Variants in ATXN7 observed in about 807,000 individuals in gnomAD.
The protein encoded by ATXN7 is ataxin-7.
In ATXN7, 12 loss-of-function variants were observed where a neutral mutation model predicts 70.5. That is an observed-to-expected ratio of 0.17 (90% confidence interval 0.11 to 0.28). The LOEUF (loss-of-function observed/expected upper bound fraction) is 0.28, where lower values mean the gene tolerates loss of function less well. Among genes scored for constraint, ATXN7 ranks in the 10% least tolerant of loss-of-function variants. The pLI, the probability that ATXN7 is intolerant of heterozygous loss-of-function variation, is 1.00. For synonymous variants in ATXN7, 498 were observed against 448.7 expected (o/e 1.11, Z -1.39); for missense variants, 1,256 against 1,131.7 (o/e 1.11, Z -1.58).
At position 63,912,699 on chromosome 3, in the gene ATXN7, A is replaced by G. The variant is rs767066861; in HGVS notation, c.101A>G (p.Gln34Arg). The change falls in exon 3 of 13, where the codon CAG (glutamine) becomes CGG (arginine). Residue 34 changes from glutamine (Q) to arginine (R), a missense_variant. Physicochemically the swap from Gln to Arg is conservative, Grantham distance 43. Transcript: ENST00000674280. ...AAAAARQQQQ[Q>R]QQQQQPPPPQ... ...GCGGCCGCCCGGCAGCAGCAGCAGC[A>G]GCAGCAGCAGCAGCAGCCGCCGCCT... 1.7e-6 allele frequency: 2 copies of G among 1,173,352 alleles called. No individual in the cohort carries two copies. The highest frequency in any genetic ancestry group is 1.1e-6 in the Non-Finnish European group (1 of 943,248). The allele number at this position is 1,173,352 out of a possible 1,614,324, so 72.7% of individuals were successfully genotyped here. A position where few individuals can be genotyped will look rare whatever the true frequency, so the allele number is the denominator to read the frequency against.
At chr3:63,863,568 C>T (rs1015953621), upstream of ATXN7, 4 of 1,196,074 alleles carry the variant, frequency 3.3e-6, no homozygotes, top group African/African-American at 3.2e-5. Flanking sequence ...GAGGGGCGCT[C>T]GGGCTCTGGC....
intron 4 of ATXN7, among the ~76,000 whole-genome samples, chr3:63,925,995 G>T (rs935623540): frequency 2.6e-5 from 4 of 152,192 alleles, no homozygotes; most frequent in Non-Finnish European, 5.9e-5. Context: ...TTAAGGGCCA[G>T]TTGGGCATGT....
intron 1 of ATXN7, among the ~76,000 whole-genome samples, chr3:63,873,112 C>A (rs1391502799): frequency 6.6e-6 from 1 of 152,082 alleles, no homozygotes; most frequent in South Asian, 2.1e-4. Context: ...TATAATATAT[C>A]CCTTTTCAAT....
At position 63,922,951 on chromosome 3, in the gene ATXN7, C is replaced by G. The variant is rs959581837; in HGVS notation, c.394+9726C>G. Among the ~76,000 whole-genome samples the G allele has an allele frequency of 3.3e-5, 5 of 152,244 alleles. No individual in the cohort carries two copies. In the East Asian group the frequency reaches 9.7e-4, roughly 29 times the overall value. On this transcript the variant is annotated intron_variant, in intron 4 of 12. Coordinates refer to ENST00000674280, the MANE Select transcript of ATXN7 (RefSeq NM_001377405.1). ...TGTATTTTCAGTTACAGGATTTGGA[C>G]TTAGGGCAAATCACACTCGATCAAG... is the stretch of plus-strand genomic sequence containing the variant.
chr3:63,868,799 A>G lies in ATXN7; in HGVS notation c.-111+4641A>G, dbSNP rs547276850. On this transcript the variant is annotated intron_variant, in intron 1 of 12. Transcript: ENST00000674280. The stretch of plus-strand genomic sequence containing the variant: ...ATACTGCACATGTACTTTATAGTCC[A>G]TCACCCCTAAAAGTGCTTCAGCACT... 3.9e-5 allele frequency among the ~76,000 whole-genome samples: 6 copies of G among 152,334 alleles called. No individual in the cohort carries two copies. In the South Asian group the frequency reaches 1.0e-3, roughly 26 times the overall value.
chr3:63,929,498 C>T (rs1460079652), intron 4 of ATXN7, among the ~76,000 whole-genome samples: 1 of 152,132 alleles, frequency 6.6e-6, no homozygotes, highest in Admixed American at 6.5e-5. Context: ...GTCTCGATCT[C>T]CTGACCTCGT....
At chr3:63,932,751 C>A (rs1423211902) in intron 4 of ATXN7, among the ~76,000 whole-genome samples, 7 of 152,136 alleles carry the variant, frequency 4.6e-5, no homozygotes, top group Non-Finnish European at 8.8e-5. Flanking sequence ...GAGAAAATTA[C>A]TTCTCATCTC....
intron 1 of ATXN7, among the ~76,000 whole-genome samples, chr3:63,867,898 AC>A (rs1372436829): frequency 4.6e-5 from 7 of 151,884 alleles, no homozygotes; most frequent in African/African-American, 1.7e-4. Context: ...TAAATAAATA[AC>A]AAACAAATAA....
intron 4 of ATXN7, among the ~76,000 whole-genome samples, chr3:63,945,598 C>T (rs974346209): frequency 6.6e-6 from 1 of 152,170 alleles, no homozygotes; most frequent in Non-Finnish European, 1.5e-5. Context: ...AATTATTATT[C>T]ATCAAGTAAT....
intron 5 of ATXN7, among the ~76,000 whole-genome samples, chr3:63,957,339 C>G (rs1409797118): frequency 6.6e-6 from 1 of 152,142 alleles, no homozygotes; most frequent in Non-Finnish European, 1.5e-5. Context: ...TTAGGCTGAT[C>G]CATTTGTTCA....
At chr3:63,911,023 A>G (rs558589213) in intron 2 of ATXN7, among the ~76,000 whole-genome samples, 1 of 151,918 alleles carries the variant, frequency 6.6e-6, no homozygotes, top group Non-Finnish European at 1.5e-5. Flanking sequence ...GTCACATCAG[A>G]TGTTTGAGGT....
chr3:63,863,764 G>T, upstream of ATXN7: 1 of 1,252,510 alleles, frequency 8.0e-7, no homozygotes, highest in Non-Finnish European at 9.9e-7. Flanking sequence ...CGGCGAGCGG[G>T]GCCTCACCGT....
chr3:63,957,984 A>T (rs182329769), intron 5 of ATXN7, among the ~76,000 whole-genome samples: 1 of 152,238 alleles, frequency 6.6e-6, no homozygotes, highest in African/African-American at 2.4e-5. Context: ...ATAATGTTAT[A>T]TATTGAGCCA....
intron 4 of ATXN7, among the ~76,000 whole-genome samples, chr3:63,929,419 T>C (rs1275639007): frequency 6.6e-6 from 1 of 151,972 alleles, no homozygotes; most frequent in African/African-American, 2.4e-5. Flanking sequence ...ATTACAGGCA[T>C]GCGCCACCAT....
At position 63,990,253 on chromosome 3, in the gene ATXN7, C is replaced by G; in HGVS notation, c.1439C>G (p.Pro480Arg). 3 of 1,614,090 alleles carry G rather than the reference C, an allele frequency of 1.9e-6. No homozygotes were observed. Among genetic ancestry groups the G allele is most frequent in the Non-Finnish European group, 2.5e-6 (3 of 1,180,038 alleles). Reference sequence around the variant, plus strand: ...CCAGTCCATGAATCTCCACACCCTCCCCTGCCTGCCACTGAGCCAGCTTCT... The same window carrying G: ...CCAGTCCATGAATCTCCACACCCTCGCCTGCCTGCCACTGAGCCAGCTTCT... ...PPPVHESPHPPLPATEPASRL... is the reference protein window; with the variant it reads ...PPPVHESPHPRLPATEPASRL... The change falls in exon 10 of 13, where the codon CCC becomes CGC. Residue 480 changes from proline to arginine, a missense_variant. Coordinates refer to ENST00000674280, the MANE Select transcript of ATXN7 (RefSeq NM_001377405.1).
rs747548769 is a variant in ATXN7, at chr3:64,001,264, A to G, written c.*1797A>G. On this transcript the variant is annotated 3_prime_UTR_variant, in exon 13 of 13. Transcript: ENST00000674280. ...GAAGGAGAGAACAGTATCTTGTTCA[A>G]TTATTATGCAATCAATCAGTAAATG... is the stretch of plus-strand genomic sequence containing the variant. 30 of 152,236 alleles carry G rather than the reference A, an allele frequency of 2.0e-4. No individual in the cohort carries two copies. Among genetic ancestry groups the G allele is most frequent in the Admixed American group, 3.9e-4 (6 of 15,280 alleles). The allele number at this position is 152,236 out of a possible 1,614,324, so 9.4% of individuals were successfully genotyped here.
intron 5 of ATXN7, among the ~76,000 whole-genome samples, chr3:63,963,057 A>G (rs1459713220): frequency 6.6e-6 from 1 of 151,812 alleles, no homozygotes; most frequent in African/African-American, 2.4e-5. Context: ...CTGGGACTAC[A>G]GGCACACGCC....
chr3:63,927,550 C>T (rs910062824), intron 4 of ATXN7, among the ~76,000 whole-genome samples: 3 of 152,122 alleles, frequency 2.0e-5, no homozygotes, highest in Admixed American at 6.5e-5. Context: ...GTTCCAGTGT[C>T]CTGGTATTCT....
At chr3:63,865,894 CAAAAAAAAAAAAAA>C (rs34205947) in intron 1 of ATXN7, among the ~76,000 whole-genome samples, 58 of 16,562 alleles carry the variant, frequency 3.5e-3, no homozygotes, top group South Asian at 0.01. Context: ...GACTCCATCT[CAAAAAAAAAAAAAA>C]AAAAAAAAAA....
Sources: allele counts gnomAD v4.1 joint callset (sites outside exome capture counted in the v4.1 genomes callset), GRCh38; gene constraint gnomAD v4.1.1; transcripts MANE v1.5; gene names NCBI Gene and HGNC (gene_info 2026-07-23, HGNC 2026-07-21).